PDE1C: variants seen among roughly 807,000 people sequenced by gnomAD.
The protein encoded by PDE1C is phosphodiesterase 1C.
PDE1C carries 62 observed loss-of-function variants against 93.1 expected under a neutral mutation model. That is an observed-to-expected ratio of 0.67 (90% CI 0.54 to 0.82). The LOEUF (loss-of-function observed/expected upper bound fraction) is 0.82. Ranked by LOEUF, PDE1C falls within the 40% of genes least tolerant of loss-of-function variation. The pLI is 0.00. For missense variants in PDE1C, 742 were observed against 884.6 expected, an observed-to-expected ratio of 0.84 and a Z score of 2.04; for synonymous variants, 325 against 310.1, an observed-to-expected ratio of 1.05 and a Z score of -0.50.
chr7:32,225,934 T>G (rs1419825034), intron 1 of PDE1C, among the ~76,000 whole-genome samples: 1 of 152,108 alleles, frequency 6.6e-6, no homozygotes, highest in African/African-American at 2.4e-5. Flanking sequence ...GGCACGTGCT[T>G]GTAGTCCCAG....
chr7:32,297,782 C>T (rs1302815018), intron 1 of PDE1C, among the ~76,000 whole-genome samples: 1 of 152,122 alleles, frequency 6.6e-6, no homozygotes, highest in Non-Finnish European at 1.5e-5. Context: ...GACACCACAG[C>T]TTTTTCTCAA....
At chr7:32,240,703 A>G (rs1808483056) in intron 1 of PDE1C, among the ~76,000 whole-genome samples, 1 of 152,138 alleles carries the variant, frequency 6.6e-6, no homozygotes, top group Non-Finnish European at 1.5e-5. Flanking sequence ...GGTCCTCCAG[A>G]CCATAGAAGG....
At chr7:32,368,789 T>C (rs1265450153) in intron 1 of PDE1C, among the ~76,000 whole-genome samples, 4 of 152,056 alleles carry the variant, frequency 2.6e-5, no homozygotes, top group Admixed American at 6.6e-5. Flanking sequence ...GGTACTGACA[T>C]AAAAGCAGAA....
intron 2 of PDE1C, among the ~76,000 whole-genome samples, chr7:31,916,680 G>A (rs61520486): frequency 1.3e-5 from 2 of 152,188 alleles, no homozygotes; most frequent in South Asian, 2.1e-4. Flanking sequence ...TTAGGTGTCA[G>A]GAGACTACAG....
chr7:31,802,782 C>A (rs1483249585), intron 16 of PDE1C, among the ~76,000 whole-genome samples: 1 of 151,684 alleles, frequency 6.6e-6, no homozygotes, highest in African/African-American at 2.4e-5. Flanking sequence ...TACTGTCATC[C>A]TTATGTTTGT....
chr7:32,117,785 A>C (rs1352298068), intron 3 of PDE1C, among the ~76,000 whole-genome samples: 2 of 152,238 alleles, frequency 1.3e-5, no homozygotes, highest in Non-Finnish European at 2.9e-5. Flanking sequence ...TGACTAAAGA[A>C]ATTCTGGAAT....
intron 3 of PDE1C, among the ~76,000 whole-genome samples, chr7:32,120,173 G>A (rs113047491): frequency 7.9e-5 from 12 of 152,166 alleles, no homozygotes; most frequent in East Asian, 3.9e-4. Context: ...CCTTCCTCAC[G>A]GGGCAGGGCC....
At position 32,070,180 on chromosome 7, in the gene PDE1C, G is replaced by A. The variant is rs1458177028; in HGVS notation, c.101+113C>T. On this transcript the variant is annotated intron_variant, in intron 1 of 17. Transcript: ENST00000396191. ...GAGCAGCAGTTGTGGAACTTCTAGG[G>A]TTGTATTTAAAGGCCCATGCAGGAA... 14 of 1,543,496 alleles carry A rather than the reference G, an allele frequency of 9.1e-6. No homozygotes were observed. In the East Asian group the frequency reaches 2.7e-4, roughly 30 times the overall value.
chr7:31,707,078 C>A, the PDE1C span: 1 of 765,354 alleles, frequency 1.3e-6, no homozygotes, highest in Non-Finnish European at 2.1e-6. Flanking sequence ...GTACTGTTAG[C>A]AGGTAACCTT....
chr7:32,213,828 C>A (rs1003187953), intron 1 of PDE1C, among the ~76,000 whole-genome samples: 6 of 152,114 alleles, frequency 3.9e-5, no homozygotes, highest in African/African-American at 1.4e-4. Context: ...ATTCTATTGA[C>A]GTTCAGTTGC....
chr7:32,243,090 C>T (rs758226142), intron 1 of PDE1C, among the ~76,000 whole-genome samples: 1 of 152,174 alleles, frequency 6.6e-6, no homozygotes, highest in African/African-American at 2.4e-5. Flanking sequence ...CAGGGACAGA[C>T]AGTCTCTTTG....
chr7:31,648,293 G>C, the PDE1C span, among the ~76,000 whole-genome samples: 23 of 151,990 alleles, frequency 1.5e-4, no homozygotes, highest in Admixed American at 4.6e-4. Context: ...ACTTGCATTT[G>C]GTATTTGGGT....
chr7:32,053,985 G>T (rs1167289289), intron 1 of PDE1C, among the ~76,000 whole-genome samples: 1 of 152,006 alleles, frequency 6.6e-6, no homozygotes, highest in Non-Finnish European at 1.5e-5. Flanking sequence ...ACAGCAAGCA[G>T]AAACAGAGGG....
chr7:32,163,412 A>G (rs879340829), intron 3 of PDE1C, among the ~76,000 whole-genome samples: 1 of 152,192 alleles, frequency 6.6e-6, no homozygotes, highest in Non-Finnish European at 1.5e-5. Context: ...TTAATTCTGC[A>G]TGGAAAACAC....
Position 32,411,435 on chromosome 7 carries a change from T to C in PDE1C, c.310+16387A>G, listed in dbSNP as rs530251212. On this transcript the variant is annotated intron_variant, in intron 1 of 1. Transcript: ENST00000672256. ...TTACAGTACTAAATCCTGTAGGCAATGGCAACATAATGGTATTTGTGAACT... is the reference window on the plus strand; with the variant it reads ...TTACAGTACTAAATCCTGTAGGCAACGGCAACATAATGGTATTTGTGAACT... 3.0e-3 allele frequency among the ~76,000 whole-genome samples: 460 copies of C among 152,326 alleles called. 2 individuals are homozygous for C. Among genetic ancestry groups the C allele is most frequent in the African/African-American group, 0.01 (435 of 41,562 alleles).
intron 2 of PDE1C, among the ~76,000 whole-genome samples, chr7:31,988,090 G>A (rs187511847): frequency 2.0e-5 from 3 of 152,308 alleles, no homozygotes; most frequent in African/African-American, 7.2e-5. Context: ...ACAGTGACAG[G>A]TGGGATGGCT....
the PDE1C span, among the ~76,000 whole-genome samples, chr7:31,650,790 A>G: frequency 6.6e-6 from 1 of 152,212 alleles, no homozygotes; most frequent in Admixed American, 6.5e-5. Flanking sequence ...AAGATTAAAC[A>G]GACTCAATTT....
the PDE1C span, chr7:31,697,212 C>T: frequency 2.0e-6 from 3 of 1,464,170 alleles, no homozygotes; most frequent in Non-Finnish European, 2.8e-6. Context: ...CGTTGTCCTG[C>T]CCCAGCAAGC....
chr7:32,333,857 T>G (rs1783560269), intron 1 of PDE1C, among the ~76,000 whole-genome samples: 1 of 152,232 alleles, frequency 6.6e-6, no homozygotes, highest in Non-Finnish European at 1.5e-5. Flanking sequence ...TAACATTGCC[T>G]ATTTCCTCCA....
Sources: gnomAD v4.1 joint callset for allele counts (sites outside exome capture counted in the v4.1 genomes callset) on GRCh38, gnomAD v4.1.1 for gene constraint, MANE v1.5 for transcripts, NCBI Gene and HGNC (gene_info 2026-07-23, HGNC 2026-07-21) for gene names.